MRAS: variants seen among roughly 807,000 people sequenced by gnomAD.
MRAS encodes muscle RAS oncogene homolog.
Under a neutral mutation model 20.9 loss-of-function variants are expected in MRAS, and 4 were observed. That is an observed-to-expected ratio of 0.19 (90% CI 0.09 to 0.44). MRAS has a LOEUF of 0.44. Among genes scored for constraint, MRAS ranks in the 20% least tolerant of loss-of-function variants. The pLI, the probability that MRAS is intolerant of heterozygous loss-of-function variation, is 0.99. For synonymous variants in MRAS, 98 were observed against 102.9 expected, an observed-to-expected ratio of 0.95 and a Z score of 0.29; for missense variants, 154 against 277.5, an observed-to-expected ratio of 0.56 and a Z score of 3.16.
Position 138,364,564 on chromosome 3 carries a change from G to A in MRAS, c.-18-8302G>A, listed in dbSNP as rs559528645. 2.0e-5 allele frequency among the ~76,000 whole-genome samples: 3 copies of A among 152,344 alleles called. No individual in the cohort carries two copies. In the South Asian group the frequency reaches 6.2e-4, roughly 32 times the overall value. ...GAGGGGCCAGTCCTGAGCTGGGCAG[G>A]GAACAGCTCGAGTGTAGGACCACAG... On this transcript the variant is annotated intron_variant, in intron 1 of 5. Transcript: ENST00000423968.
intron 4 of MRAS, 39 bp from the exon 5 acceptor site, chr3:138,400,495 C>T: frequency 2.6e-6 from 4 of 1,558,780 alleles, no homozygotes; most frequent in Non-Finnish European, 3.5e-6. Context: ...CTTTGAGGAT[C>T]TCTGTGCCAC....
intron 1 of MRAS, among the ~76,000 whole-genome samples, chr3:138,365,175 G>C (rs1471324102): frequency 1.3e-5 from 2 of 152,148 alleles, no homozygotes; most frequent in Non-Finnish European, 2.9e-5. Context: ...TACCTTCTAG[G>C]GTTGTTGTGA....
At chr3:138,350,942 CAAAAAAAA>C (rs66738068) in intron 1 of MRAS, among the ~76,000 whole-genome samples, 4 of 68,022 alleles carry the variant, frequency 5.9e-5, no homozygotes, top group African/African-American at 1.6e-4. Context: ...GACCCTGTCT[CAAAAAAAA>C]AAAAAAAAAA....
intron 1 of MRAS, among the ~76,000 whole-genome samples, chr3:138,360,317 T>C (rs1042293809): frequency 3.3e-5 from 5 of 152,168 alleles, no homozygotes; most frequent in African/African-American, 1.2e-4. Flanking sequence ...CCGTTCCCTC[T>C]CTGTTGCCAC....
At chr3:138,368,658 G>T (rs549746644) in intron 1 of MRAS, among the ~76,000 whole-genome samples, 1 of 152,254 alleles carries the variant, frequency 6.6e-6, no homozygotes, top group South Asian at 2.1e-4. Context: ...TGATCTCCGA[G>T]GTGCTTTTTA....
chr3:138,361,156 C>T (rs1218092480), intron 1 of MRAS, among the ~76,000 whole-genome samples: 1 of 152,148 alleles, frequency 6.6e-6, no homozygotes, highest in African/African-American at 2.4e-5. Flanking sequence ...AGAAGAGGGC[C>T]TTAGAGGAAG....
At chr3:138,367,389 C>T (rs1462125178) in intron 1 of MRAS, among the ~76,000 whole-genome samples, 2 of 152,310 alleles carry the variant, frequency 1.3e-5, no homozygotes, top group Non-Finnish European at 1.5e-5. Context: ...AGTGGAACTC[C>T]GGCTGCCTGG....
chr3:138,380,508 T>TCA (rs112798285), intron 2 of MRAS, among the ~76,000 whole-genome samples: 129,480 of 151,834 alleles, frequency 0.85, 55,524 homozygotes, highest in East Asian at 0.97. Context: ...GGATGGGGTT[T>TCA]CCGTGTTGGC....
intron 2 of MRAS, among the ~76,000 whole-genome samples, chr3:138,375,233 C>T (rs1438407746): frequency 6.6e-6 from 1 of 152,030 alleles, no homozygotes; most frequent in African/African-American, 2.4e-5. Flanking sequence ...TGGAATAAAC[C>T]CCACTTGGTC....
intron 1 of MRAS, among the ~76,000 whole-genome samples, chr3:138,359,378 C>T (rs376669589): frequency 6.6e-6 from 1 of 152,156 alleles, no homozygotes; most frequent in African/African-American, 2.4e-5. Flanking sequence ...CCATGCCTGC[C>T]TCGTTTTCAG....
chr3:138,352,919 T>C (rs3773759), intron 1 of MRAS, among the ~76,000 whole-genome samples: 90,847 of 151,726 alleles, frequency 0.6, 28,082 homozygotes, highest in Admixed American at 0.74. Context: ...CTCAGTGTCG[T>C]CATGGGGATT....
At chr3:138,380,877 C>G (rs1316082212) in intron 2 of MRAS, among the ~76,000 whole-genome samples, 1 of 151,572 alleles carries the variant, frequency 6.6e-6, no homozygotes, top group Non-Finnish European at 1.5e-5. Context: ...TCAAGTGATT[C>G]TCCTGCCTCA....
intron 3 of MRAS, among the ~76,000 whole-genome samples, chr3:138,398,181 T>A (rs532648472): frequency 6.6e-6 from 1 of 152,280 alleles, no homozygotes; most frequent in South Asian, 2.1e-4. Flanking sequence ...ACCCAAGAGA[T>A]GGGAACCAGG....
At chr3:138,350,818 C>T (rs1276295142) in intron 1 of MRAS, among the ~76,000 whole-genome samples, 3 of 151,988 alleles carry the variant, frequency 2.0e-5, no homozygotes, top group Admixed American at 6.6e-5. Context: ...TGGCATGCAC[C>T]TGTAGTCTTA....
chr3:138,368,005 A>G (rs543776396), intron 1 of MRAS, among the ~76,000 whole-genome samples: 42 of 152,246 alleles, frequency 2.8e-4, no homozygotes, highest in Admixed American at 7.9e-4. Flanking sequence ...TTGGGTTGCC[A>G]TGCAGCCTGT....
chr3:138,389,969 C>T (rs547766284), intron 2 of MRAS, among the ~76,000 whole-genome samples: 14 of 151,754 alleles, frequency 9.2e-5, no homozygotes, highest in South Asian at 2.1e-4. Flanking sequence ...AGGTGGCTCA[C>T]GCCTGTAATC....
chr3:138,383,994 G>C (rs1485792317), intron 2 of MRAS, among the ~76,000 whole-genome samples: 1 of 152,192 alleles, frequency 6.6e-6, no homozygotes, highest in Non-Finnish European at 1.5e-5. Flanking sequence ...GTATCTGGAA[G>C]AGAATCTCAG....
intron 2 of MRAS, among the ~76,000 whole-genome samples, chr3:138,386,051 AT>A (rs1345703970): frequency 6.6e-6 from 1 of 151,950 alleles, no homozygotes; most frequent in Non-Finnish European, 1.5e-5. Context: ...AGGTGGGTTG[AT>A]TTTTTTCCTC....
chr3:138,389,417 A>G (rs1350348292), intron 2 of MRAS, among the ~76,000 whole-genome samples: 2 of 151,152 alleles, frequency 1.3e-5, no homozygotes, highest in East Asian at 3.9e-4. Flanking sequence ...GGGCTCAAAG[A>G]TGGAGGTCAG....
Sources: allele counts gnomAD v4.1 joint callset (sites outside exome capture counted in the v4.1 genomes callset), GRCh38; gene constraint gnomAD v4.1.1; transcripts MANE v1.5; gene names NCBI Gene and HGNC (gene_info 2026-07-23, HGNC 2026-07-21).